Variants in LRCH2 observed in about 807,000 individuals in gnomAD.
LRCH2 encodes the protein leucine rich repeats and calponin homology domain containing 2, also known as leucine-rich repeat and calponin homology domain-containing protein 2.
Under a neutral mutation model 68.9 loss-of-function variants are expected in LRCH2, and 38 were observed. That is an observed-to-expected ratio of 0.55 (90% CI 0.43 to 0.72). LRCH2 has a LOEUF of 0.72. Ranked by LOEUF, LRCH2 falls within the 30% of genes least tolerant of loss-of-function variation. The pLI is 0.00. For synonymous variants in LRCH2, 191 were observed against 208.1 expected (o/e 0.92, Z 0.71); for missense variants, 528 against 572.9 (o/e 0.92, Z 0.80).
At chrX:115,200,525 C>T (rs1324327384) in intron 1 of LRCH2, among the ~76,000 whole-genome samples, 1 of 109,628 alleles carries the variant, frequency 9.1e-6, no homozygotes, top group East Asian at 2.8e-4. Context: ...AACAAGAAAA[C>T]CTAGAGGAAA....
intron 20 of LRCH2, among the ~76,000 whole-genome samples, chrX:115,117,532 G>C (rs2072093416): frequency 9.0e-6 from 1 of 111,418 alleles, no homozygotes; most frequent in South Asian, 3.8e-4. Context: ...GCTAAAACTG[G>C]AAACAACCCA....
At chrX:115,128,834 G>T (rs1556528927) in intron 15 of LRCH2, among the ~76,000 whole-genome samples, 1 of 111,390 alleles carries the variant, frequency 9.0e-6, no homozygotes, top group African/African-American at 3.3e-5. Flanking sequence ...AACTCACATG[G>T]GAAACGTTAA....
intron 14 of LRCH2, chrX:115,139,074 T>A (rs1475190948): frequency 8.9e-6 from 1 of 112,089 alleles, no homozygotes; most frequent in African/African-American, 3.2e-5. Context: ...AATAAACAAA[T>A]GTGTAATTGT....
chrX:115,123,099 T>C lies in LRCH2; in HGVS notation c.1943A>G (p.Gln648Arg). ...KMEHLREERE[Q>R]IRQLRNNLES... is the part of the protein sequence containing the mutation. ...ACTTACGTTGCGAAGTTGTCGTATTTGCTCTCGCTCTTCCCGTAAATGTTC... is the reference window on the plus strand; with the variant it reads ...ACTTACGTTGCGAAGTTGTCGTATTCGCTCTCGCTCTTCCCGTAAATGTTC... The change falls in exon 18 of 21, where the codon CAA (glutamine) becomes CGA (arginine). Residue 648 changes from glutamine to arginine, a missense_variant. Transcript: ENST00000317135. 1 of 1,209,362 alleles carries C rather than the reference T, an allele frequency of 8.3e-7. No individual in the cohort carries two copies. Among genetic ancestry groups the C allele is most frequent in the Non-Finnish European group, 1.1e-6 (1 of 894,193 alleles).
chrX:115,121,184 A>T (rs1284846788), intron 20 of LRCH2, among the ~76,000 whole-genome samples: 1 of 109,920 alleles, frequency 9.1e-6, no homozygotes, highest in Non-Finnish European at 1.9e-5. Context: ...TAAATAAATA[A>T]ATAAATAAAT....
In LRCH2 at chrX:115,189,652, G is replaced by A. The variant is rs781851586; in HGVS notation, c.350-1282C>T. 15 of 1,168,692 alleles carry A rather than the reference G, an allele frequency of 1.3e-5. No homozygotes were observed. The South Asian group carries it at 2.1e-4, about 16-fold the overall frequency. On this transcript the variant is annotated intron_variant, in intron 1 of 20. Coordinates refer to ENST00000317135, the MANE Select transcript of LRCH2 (RefSeq NM_020871.4). Reference sequence around the variant, plus strand: ...CAAGGCTGCCGCCAGAGATATGAACGGCAAGTACCTGGATGGTAAGGCCAT... The same window carrying A: ...CAAGGCTGCCGCCAGAGATATGAACAGCAAGTACCTGGATGGTAAGGCCAT...
chrX:115,228,496 T>C (rs1355790056), intron 1 of LRCH2, among the ~76,000 whole-genome samples: 1 of 111,267 alleles, frequency 9.0e-6, no homozygotes, highest in East Asian at 2.8e-4. Flanking sequence ...ATGCCTCTTT[T>C]GCAAAGTTTC....
chrX:115,182,217 A>C, intron 3 of LRCH2, among the ~76,000 whole-genome samples: 1 of 111,917 alleles, frequency 8.9e-6, no homozygotes, highest in African/African-American at 3.2e-5. Flanking sequence ...CATTTATCTA[A>C]AAATTACATC....
chrX:115,173,857 T>A (rs1320248796), intron 5 of LRCH2, among the ~76,000 whole-genome samples: 1 of 112,211 alleles, frequency 8.9e-6, no homozygotes, highest in Non-Finnish European at 1.9e-5. Context: ...AAGATCTTTA[T>A]GATGATCAAC....
Position 115,123,064 on chromosome X carries a change from G to C in LRCH2, c.1962+16C>G, listed in dbSNP as rs372927776. On this transcript the variant is annotated intron_variant, in intron 18 of 20. Transcript: ENST00000317135. The stretch of plus-strand genomic sequence containing the variant: ...CCATTTCCACAAAGCAGATCTGAAA[G>C]AGCAATCTGACTTACGTTGCGAAGT... 1.7e-6 allele frequency: 2 copies of C among 1,190,758 alleles called. No homozygotes were observed. The highest frequency in any genetic ancestry group is 2.2e-5 in the Admixed American group (1 of 45,224).
At chrX:115,193,292 C>A (rs2072860500) in intron 1 of LRCH2, among the ~76,000 whole-genome samples, 1 of 112,083 alleles carries the variant, frequency 8.9e-6, no homozygotes, top group African/African-American at 3.2e-5. Context: ...CGATGAATTG[C>A]AAATTAAGGA....
chrX:115,145,241 G>A (rs113890627), intron 14 of LRCH2, among the ~76,000 whole-genome samples: 3,750 of 111,402 alleles, frequency 0.034, 169 homozygotes, highest in African/African-American at 0.11. Flanking sequence ...CTGGATATCC[G>A]TATGCAGAAG....
chrX:115,228,304 A>ATTTCC (rs2073132324), intron 1 of LRCH2, among the ~76,000 whole-genome samples: 1 of 111,765 alleles, frequency 8.9e-6, no homozygotes, highest in African/African-American at 3.3e-5. Flanking sequence ...AACTGATTAT[A>ATTTCC]AGAGTATTAC....
At chrX:115,207,565 G>A (rs1403906926) in intron 1 of LRCH2, among the ~76,000 whole-genome samples, 1 of 111,009 alleles carries the variant, frequency 9.0e-6, no homozygotes, top group Non-Finnish European at 1.9e-5. Flanking sequence ...AATAAAAATC[G>A]GAAAACTGCT....
At chrX:115,214,041 A>G in intron 1 of LRCH2, among the ~76,000 whole-genome samples, 1 of 112,117 alleles carries the variant, frequency 8.9e-6, no homozygotes, top group Non-Finnish European at 1.9e-5. Context: ...TAGCAGAAAT[A>G]TGTCTTCAGG....
chrX:115,185,671 C>G (rs2072726304), intron 2 of LRCH2, among the ~76,000 whole-genome samples: 1 of 111,500 alleles, frequency 9.0e-6, no homozygotes, highest in South Asian at 3.8e-4. Context: ...AAAGGACATC[C>G]AGAAATACTA....
In LRCH2 at chrX:115,192,566, G is replaced by C. The variant is rs1457298134; in HGVS notation, c.350-4196C>G. The C allele has an allele frequency of 2.6e-6, 3 of 1,169,109 alleles. No homozygotes were observed. The highest frequency in any genetic ancestry group is 3.4e-6 in the Non-Finnish European group (3 of 874,083). On this transcript the variant is annotated intron_variant, in intron 1 of 20. Transcript: ENST00000317135. ...CCTCCCCTGCATGATTCTTACAGCC[G>C]GTCAGGCTGCAGGGTGCCCAGGGGC... is the stretch of plus-strand genomic sequence containing the variant.
chrX:115,151,553 T>C (rs1385496146), intron 12 of LRCH2, among the ~76,000 whole-genome samples: 4 of 111,185 alleles, frequency 3.6e-5, no homozygotes, highest in East Asian at 5.6e-4. Flanking sequence ...TTTTTAAATA[T>C]TGGAATAGAG....
chrX:115,188,450 A>G (rs1344736968), intron 1 of LRCH2, 80 bp from the exon 2 acceptor site: 22 of 697,779 alleles, frequency 3.2e-5, no homozygotes, highest in Non-Finnish European at 4.4e-5. Flanking sequence ...TTGCTGAATC[A>G]CTTAGAATCT....
Sources: allele counts gnomAD v4.1 joint callset (sites outside exome capture counted in the v4.1 genomes callset), GRCh38; gene constraint gnomAD v4.1.1; transcripts MANE v1.5; gene names NCBI Gene and HGNC (gene_info 2026-07-23, HGNC 2026-07-21).